DOP1A: variants seen among roughly 807,000 people sequenced by gnomAD.
DOP1A encodes protein DOP1A.
DOP1A carries 90 observed loss-of-function variants against 267.6 expected under a neutral mutation model. The observed-to-expected ratio is 0.34, with a 90% CI of 0.28 to 0.40. The LOEUF is 0.40. DOP1A is among the 10% of genes least tolerant of loss of function. DOP1A has a pLI of 1.00. For missense variants in DOP1A, 2,437 were observed against 2,900.4 expected (o/e 0.84, Z 3.67); for synonymous variants, 932 against 999.1 (o/e 0.93, Z 1.27).
Position 83,128,933 on chromosome 6 carries a change from G to C in DOP1A, c.1766G>C (p.Gly589Ala). ...AATCCTACTGAAGTGTTTGAAGATG[G>C]AGAAAATCCACCAAGTAGTCGATCA... ...HENPTEVFED[G>A]ENPPSSRSSE... is the part of the protein sequence containing the mutation. The change falls in exon 16 of 39, where the codon GGA becomes GCA. Residue 589 changes from glycine to alanine, a missense_variant. Gly to Ala is a moderately conservative substitution (Grantham distance 60, BLOSUM62 0). This residue lies in a region of DOP1A where 498 missense variants were observed against 513.5 expected (regional missense o/e 0.97). Coordinates refer to ENST00000349129, the MANE Select transcript of DOP1A (RefSeq NM_015018.4). 1 of 1,556,134 alleles carries C rather than the reference G, an allele frequency of 6.4e-7. No individual in the cohort carries two copies. The highest frequency in any genetic ancestry group is 8.7e-7 in the Non-Finnish European group (1 of 1,151,384).
intron 37 of DOP1A, among the ~76,000 whole-genome samples, chr6:83,160,801 A>G (rs974195113): frequency 1.3e-5 from 2 of 152,240 alleles, no homozygotes; most frequent in African/African-American, 4.8e-5. Flanking sequence ...TTTCTTCTGG[A>G]ACAGAAATAA....
intron 27 of DOP1A, among the ~76,000 whole-genome samples, chr6:83,149,226 A>C (rs957406571): frequency 3.3e-5 from 5 of 152,158 alleles, no homozygotes; most frequent in Admixed American, 3.3e-4. Flanking sequence ...CCCCAAACCT[A>C]AACAGCCTGG....
intron 37 of DOP1A, among the ~76,000 whole-genome samples, chr6:83,161,811 T>C (rs936669052): frequency 6.6e-6 from 1 of 152,188 alleles, no homozygotes; most frequent in Non-Finnish European, 1.5e-5. Context: ...CCTATAATTC[T>C]GCTACATCCA....
chr6:83,072,937 G>T, intron 1 of DOP1A: 1 of 336,580 alleles, frequency 3.0e-6, no homozygotes, highest in Non-Finnish European at 5.9e-6. Context: ...TCCTGGAGAG[G>T]TTTTTCTCCT....
chr6:83,068,151 G>T (rs1000735711), intron 1 of DOP1A, among the ~76,000 whole-genome samples: 1 of 152,238 alleles, frequency 6.6e-6, no homozygotes, highest in Non-Finnish European at 1.5e-5. Flanking sequence ...GCACCTGTGC[G>T]ATGGAGGCGT....
chr6:83,145,395 C>A, intron 24 of DOP1A, 129 bp from the exon 25 acceptor site: 4 of 813,092 alleles, frequency 4.9e-6, no homozygotes, highest in Non-Finnish European at 7.0e-6. Flanking sequence ...CCAGGCTGGG[C>A]AAAATAGCAA....
In DOP1A at chr6:83,137,818, A is replaced by T. The variant is rs773783913; in HGVS notation, c.3776A>T (p.Lys1259Ile). 1 of 1,613,886 alleles carries T rather than the reference A, an allele frequency of 6.2e-7. No homozygotes were observed. Residue 1259 changes from lysine to isoleucine, a missense_variant, in exon 21 of 39, where the codon AAA becomes ATA. By Grantham distance (102) the Lys-to-Ile change is moderately radical. Around this residue, in one of 9 missense-constraint regions of DOP1A, gnomAD observed 878 missense variants for 992.9 expected, o/e 0.88. Coordinates refer to ENST00000349129, the MANE Select transcript of DOP1A (RefSeq NM_015018.4). ...HDSSVASIET[K>I]SRQRSHSSIQ... The stretch of plus-strand genomic sequence containing the variant: ...TCTTCTGTTGCTTCCATAGAAACCA[A>T]ATCTAGACAAAGGAGTCACAGTAGT...
chr6:83,113,553 T>C, intron 7 of DOP1A, 132 bp downstream of exon 7: 1 of 657,768 alleles, frequency 1.5e-6, no homozygotes, highest in Admixed American at 2.8e-5. Flanking sequence ...GAAAATAAGT[T>C]CCTTCTTAAG....
Position 83,108,899 on chromosome 6 carries a change from T to A in DOP1A, c.321-11T>A. 6.2e-7 allele frequency: 1 copy of A among 1,604,172 alleles called. No individual in the cohort carries two copies. Among genetic ancestry groups the A allele is most frequent in the East Asian group, 2.2e-5 (1 of 44,716 alleles). On this transcript the variant is annotated splice_polypyrimidine_tract_variant and intron_variant, in intron 4 of 38. Coordinates refer to ENST00000349129, the MANE Select transcript of DOP1A (RefSeq NM_015018.4). ...TTGCTTCCTTCTCCTTTGTCTTTAT[T>A]TTTTTAATAGTTCTGGATTATTTCC...
intron 1 of DOP1A, among the ~76,000 whole-genome samples, chr6:83,094,701 C>G (rs1176002884): frequency 6.6e-6 from 1 of 152,152 alleles, no homozygotes; most frequent in Admixed American, 6.5e-5. Context: ...AATGTCCATT[C>G]ACATCTGTTG....
chr6:83,168,313 CA>C lies in DOP1A; in HGVS notation c.*149del. 3 of 1,425,308 alleles carry C rather than the reference CA, an allele frequency of 2.1e-6. No individual in the cohort carries two copies. The highest frequency in any genetic ancestry group is 2.7e-6 in the Non-Finnish European group (3 of 1,096,008). The allele number at this position is 1,425,308 out of a possible 1,614,324, so 88.3% of individuals were successfully genotyped here. A position where few individuals can be genotyped will look rare whatever the true frequency, so the allele number is the denominator to read the frequency against. ...TAATTTAAATATTTGTATATAAGAG[CA>C]AATGTCTGAATGTGGCCTGAATCAA... On this transcript the variant is annotated 3_prime_UTR_variant, in exon 39 of 39. Coordinates refer to ENST00000349129, the MANE Select transcript of DOP1A (RefSeq NM_015018.4).
At chr6:83,128,798 GTC>G in intron 15 of DOP1A, 87 bp from the exon 16 acceptor site, 1 of 1,437,852 alleles carries the variant, frequency 7.0e-7, no homozygotes, top group Non-Finnish European at 9.2e-7. Flanking sequence ...GTTGTGAATA[GTC>G]TAAAACATCT....
chr6:83,128,322 T>G (rs1234987884), intron 15 of DOP1A, among the ~76,000 whole-genome samples: 1 of 152,238 alleles, frequency 6.6e-6, no homozygotes, highest in East Asian at 1.9e-4. Flanking sequence ...GTTTGTTTAC[T>G]GTAATTCTCT....
At chr6:83,070,829 C>T (rs1785467621) in intron 1 of DOP1A, among the ~76,000 whole-genome samples, 1 of 151,960 alleles carries the variant, frequency 6.6e-6, no homozygotes, top group South Asian at 2.1e-4. Context: ...TGTAATATTT[C>T]CTCAACTTCA....
chr6:83,091,200 C>T (rs1157987339), intron 1 of DOP1A, among the ~76,000 whole-genome samples: 7 of 152,008 alleles, frequency 4.6e-5, no homozygotes, highest in African/African-American at 1.7e-4. Context: ...GAAAGACCTG[C>T]CCCCATGATC....
chr6:83,124,688 G>GAAT lies in DOP1A; in HGVS notation c.1341-16_1341-14dup. The GAAT allele has an allele frequency of 6.3e-7, 1 of 1,583,268 alleles. No individual in the cohort carries two copies. Among genetic ancestry groups the GAAT allele is most frequent in the Non-Finnish European group, 8.7e-7 (1 of 1,153,532 alleles). On this transcript the variant is annotated splice_polypyrimidine_tract_variant and intron_variant, in intron 12 of 38. Coordinates refer to ENST00000349129, the MANE Select transcript of DOP1A (RefSeq NM_015018.4). ...CACTTGACAGTATACTTAATAAAGT[G>GAAT]AATTTTGTCCTTTTAGGAGGACACT... is the stretch of plus-strand genomic sequence containing the variant.
chr6:83,097,396 C>T (rs1287069158), intron 3 of DOP1A, among the ~76,000 whole-genome samples: 3 of 152,158 alleles, frequency 2.0e-5, no homozygotes, highest in African/African-American at 2.4e-5. Context: ...AATATGCTAA[C>T]TATGAGGGCT....
At chr6:83,134,409 T>G in intron 19 of DOP1A, 122 bp downstream of exon 19, 2 of 717,862 alleles carry the variant, frequency 2.8e-6, no homozygotes, top group South Asian at 2.9e-5. Context: ...ATAAAGAGAA[T>G]TTATTATTTT....
In DOP1A at chr6:83,153,923, G is replaced by A; in HGVS notation, c.6269G>A (p.Cys2090Tyr). The change falls in exon 32 of 39, where the codon TGT becomes TAT. Residue 2090 changes from cysteine to tyrosine, a missense_variant. Transcript: ENST00000349129. ...SAHNAPSYRACVQLLSSLSGY... is the reference protein window; with the variant it reads ...SAHNAPSYRAYVQLLSSLSGY... ...CATAATGCCCCTAGTTATCGAGCTT[G>A]TGTCCAGCTGCTCAGCAGTCTTAGT... 6.2e-7 allele frequency: 1 copy of A among 1,613,342 alleles called. No individual in the cohort carries two copies. The highest frequency in any genetic ancestry group is 8.5e-7 in the Non-Finnish European group (1 of 1,179,870).
Sources: allele counts gnomAD v4.1 joint callset (sites outside exome capture counted in the v4.1 genomes callset), GRCh38; gene constraint gnomAD v4.1.1; regional missense constraint gnomAD v4.1.1; transcripts MANE v1.5; gene names NCBI Gene and HGNC (gene_info 2026-07-23, HGNC 2026-07-21).